NEO1: variants seen among roughly 807,000 people sequenced by gnomAD.
NEO1 encodes neogenin 1, also known as neogenin.
Under a neutral mutation model 159.7 loss-of-function variants are expected in NEO1, and 63 were observed. The ratio of observed to expected loss-of-function variants is 0.39; its 90% CI spans 0.32 to 0.49. The LOEUF is 0.49. Ranked by LOEUF, NEO1 falls within the 20% of genes least tolerant of loss-of-function variation. NEO1 has a pLI of 0.85. For missense variants in NEO1, 1,615 were observed against 1,831.0 expected, an observed-to-expected ratio of 0.88 and a Z score of 2.15; for synonymous variants, 633 against 662.0, an observed-to-expected ratio of 0.96 and a Z score of 0.67.
At position 73,097,776 on chromosome 15, in the gene NEO1, C is replaced by CTTTTTTTT. The variant is rs34165169; in HGVS notation, c.131-18749_131-18742dup. Among the ~76,000 whole-genome samples the CTTTTTTTT allele has an allele frequency of 1.6e-3, 119 of 75,536 alleles. 2 individuals carry two copies. Among genetic ancestry groups the CTTTTTTTT allele is most frequent in the African/African-American group, 3.3e-3 (39 of 11,924 alleles). The allele number at this position is 75,536 out of a possible 152,430, so 49.6% of individuals were successfully genotyped here. A position where few individuals can be genotyped will look rare whatever the true frequency, so the allele number is the denominator to read the frequency against. ...TTCTAATCCCAGACCTGGAACTAGC[C>CTTTTTTTT]TTTTTTTTTTTTTTTTTTTTTTGTA... On this transcript the variant is annotated intron_variant, in intron 1 of 28. Transcript: ENST00000261908.
intron 7 of NEO1, among the ~76,000 whole-genome samples, chr15:73,229,922 A>G (rs1283344752): frequency 6.6e-6 from 1 of 152,184 alleles, no homozygotes; most frequent in Non-Finnish European, 1.5e-5. Context: ...TGTGTTACCA[A>G]ATGTGGCTTG....
intron 7 of NEO1, among the ~76,000 whole-genome samples, chr15:73,181,222 T>A (rs1479118853): frequency 1.3e-5 from 2 of 152,136 alleles, no homozygotes; most frequent in African/African-American, 4.8e-5. Context: ...AACAGCAGAA[T>A]AGGATCAGAG....
chr15:73,075,647 C>T (rs1338879539), intron 1 of NEO1, among the ~76,000 whole-genome samples: 1 of 105,474 alleles, frequency 9.5e-6, no homozygotes, highest in Non-Finnish European at 2.2e-5. Context: ...AAACACTGGC[C>T]ATGTGAAGAT....
intron 1 of NEO1, among the ~76,000 whole-genome samples, chr15:73,082,177 A>G (rs941431731): frequency 1.3e-5 from 2 of 152,208 alleles, no homozygotes; most frequent in Non-Finnish European, 2.9e-5. Context: ...CCCAGCCTAA[A>G]TACTTGATAA....
chr15:73,198,809 C>A (rs2036687100), intron 7 of NEO1, among the ~76,000 whole-genome samples: 1 of 151,616 alleles, frequency 6.6e-6, no homozygotes, highest in Non-Finnish European at 1.5e-5. Flanking sequence ...GCTTTTCTGT[C>A]TATATTGTTA....
chr15:73,111,007 A>G (rs2070953776), intron 1 of NEO1, among the ~76,000 whole-genome samples: 1 of 152,202 alleles, frequency 6.6e-6, no homozygotes, highest in Admixed American at 6.5e-5. Context: ...GATAAGAAGA[A>G]TGTGTATGCA....
At chr15:73,132,672 C>T (rs1450463651) in intron 4 of NEO1, among the ~76,000 whole-genome samples, 5 of 152,126 alleles carry the variant, frequency 3.3e-5, no homozygotes, top group African/African-American at 1.2e-4. Flanking sequence ...CTAGAAGGAA[C>T]TCAAACAAAT....
At chr15:73,091,296 T>A (rs1434512297) in intron 1 of NEO1, among the ~76,000 whole-genome samples, 1 of 152,184 alleles carries the variant, frequency 6.6e-6, no homozygotes, top group Non-Finnish European at 1.5e-5. Flanking sequence ...ACATATGCAG[T>A]TATGGTCTAG....
intron 4 of NEO1, among the ~76,000 whole-genome samples, chr15:73,127,040 G>A (rs543023815): frequency 3.9e-5 from 6 of 152,170 alleles, no homozygotes; most frequent in Non-Finnish European, 7.4e-5. Flanking sequence ...GACCATCCTG[G>A]CTAACACGGT....
At chr15:73,298,285 C>G in intron 26 of NEO1, 63 bp from the exon 27 acceptor site, 1 of 1,596,214 alleles carries the variant, frequency 6.3e-7, no homozygotes, top group Non-Finnish European at 8.6e-7. Context: ...AGTAGCCAAA[C>G]TGTGGGACTG....
chr15:73,283,166 A>G (rs1014184758), intron 23 of NEO1, 55 bp downstream of exon 23: 10 of 1,595,422 alleles, frequency 6.3e-6, no homozygotes, highest in Admixed American at 1.7e-5. Context: ...TTTTGCTTCC[A>G]TGTGACTTCT....
chr15:73,128,021 G>T (rs1161811997), intron 4 of NEO1, among the ~76,000 whole-genome samples: 2 of 152,212 alleles, frequency 1.3e-5, no homozygotes, highest in East Asian at 3.9e-4. Context: ...AGTTATCTGG[G>T]TGATCAGCCT....
At chr15:73,172,864 G>A (rs896887745) in intron 5 of NEO1, among the ~76,000 whole-genome samples, 1 of 152,126 alleles carries the variant, frequency 6.6e-6, no homozygotes, top group African/African-American at 2.4e-5. Context: ...TCAAAGCAGA[G>A]GGGACTTTCT....
chr15:73,200,935 G>A (rs942044735), intron 7 of NEO1, among the ~76,000 whole-genome samples: 5 of 151,892 alleles, frequency 3.3e-5, no homozygotes, highest in African/African-American at 7.3e-5. Flanking sequence ...GCTGGTCTTG[G>A]CCTCCCAAAA....
At chr15:73,263,825 G>A (rs555065029) in intron 15 of NEO1, among the ~76,000 whole-genome samples, 54 of 152,230 alleles carry the variant, frequency 3.5e-4, no homozygotes, top group African/African-American at 1.3e-3. Context: ...GTTAACCTAG[G>A]AAATGTATCC....
intron 5 of NEO1, among the ~76,000 whole-genome samples, chr15:73,176,034 C>T (rs979579250): frequency 6.6e-6 from 1 of 152,070 alleles, no homozygotes; most frequent in Non-Finnish European, 1.5e-5. Context: ...TCAATCTTTT[C>T]CACTCTTTGA....
In NEO1 at chr15:73,273,877, T is replaced by A; in HGVS notation, c.3032T>A (p.Val1011Glu). Reference sequence around the variant, plus strand: ...CATGACTGGGTTATTGAGCCTGTTGTGGGAAACAGACTGACTCACCAGATA... The same window carrying A: ...CATGACTGGGTTATTGAGCCTGTTGAGGGAAACAGACTGACTCACCAGATA... ...EIHDWVIEPV[V>E]GNRLTHQIQE... The change falls in exon 20 of 29, where the codon GTG becomes GAG. Residue 1011 changes from valine (V) to glutamate (E), a missense_variant. Val to Glu is a moderately radical substitution (Grantham distance 121, BLOSUM62 -2). This residue lies in a region of NEO1 where 126 missense variants were observed against 216.7 expected (regional missense o/e 0.58). Coordinates refer to ENST00000261908, the MANE Select transcript of NEO1 (RefSeq NM_002499.4). 1.9e-6 allele frequency: 3 copies of A among 1,614,126 alleles called. No homozygotes were observed. Among genetic ancestry groups the A allele is most frequent in the Non-Finnish European group, 1.7e-6 (2 of 1,179,980 alleles).
chr15:73,179,681 A>C (rs1041065006), intron 7 of NEO1, among the ~76,000 whole-genome samples: 3 of 152,210 alleles, frequency 2.0e-5, no homozygotes, highest in African/African-American at 7.2e-5. Flanking sequence ...AGCATAGGCA[A>C]TGAAATCAGA....
intron 1 of NEO1, among the ~76,000 whole-genome samples, chr15:73,064,147 C>T (rs929882641): frequency 6.6e-6 from 1 of 152,168 alleles, no homozygotes; most frequent in Admixed American, 6.5e-5. Flanking sequence ...GTTTCAGAGT[C>T]AGCCTTGTTA....
Sources: allele counts gnomAD v4.1 joint callset (sites outside exome capture counted in the v4.1 genomes callset), GRCh38; gene constraint gnomAD v4.1.1; regional missense constraint gnomAD v4.1.1; transcripts MANE v1.5; gene names NCBI Gene and HGNC (gene_info 2026-07-23, HGNC 2026-07-21).